PLD1: variants seen among roughly 807,000 people sequenced by gnomAD.
The protein encoded by PLD1 is phospholipase D1.
Under a neutral mutation model 137.1 loss-of-function variants are expected in PLD1, and 112 were observed. The ratio of observed to expected loss-of-function variants is 0.82; its 90% CI spans 0.70 to 0.96. PLD1 has a LOEUF of 0.96. Ranked by LOEUF, PLD1 falls within the 40% of genes least tolerant of loss-of-function variation. The pLI, the probability that PLD1 is intolerant of heterozygous loss-of-function variation, is 0.00. For synonymous variants in PLD1, 431 were observed against 454.7 expected (o/e 0.95, Z 0.66); for missense variants, 1,321 against 1,342.0 (o/e 0.98, Z 0.24).
At chr3:171,763,548 G>A (rs1466801205) in intron 1 of PLD1, among the ~76,000 whole-genome samples, 3 of 107,274 alleles carry the variant, frequency 2.8e-5, no homozygotes, top group Non-Finnish European at 5.5e-5. Flanking sequence ...GGGAGGGGAG[G>A]GGAGGGGAGA....
intron 1 of PLD1, among the ~76,000 whole-genome samples, chr3:171,796,400 A>G (rs1723439535): frequency 6.6e-6 from 1 of 152,242 alleles, no homozygotes; most frequent in South Asian, 2.1e-4. Flanking sequence ...CAACATACTA[A>G]GAAAACCATA....
At chr3:171,772,465 G>A (rs1560295867) in intron 1 of PLD1, among the ~76,000 whole-genome samples, 1 of 152,138 alleles carries the variant, frequency 6.6e-6, no homozygotes, top group Non-Finnish European at 1.5e-5. Flanking sequence ...AAATCCTGGA[G>A]ACTATTTTAG....
rs1714604392 is a variant in PLD1 at position 171,686,756 on chromosome 3, C to A, written c.1796G>T (p.Gly599Val). The change falls in exon 16 of 27, where the codon GGT (glycine) becomes GTT (valine). Residue 599 changes from glycine to valine, a missense_variant. Coordinates refer to ENST00000351298, the MANE Select transcript of PLD1 (RefSeq NM_002662.5). ...AAAGAGTTTGAAGTGGGGTTTTAAA[C>A]CATGGATTAAATTGTGATGACTTCT... ...HYRSHHNLIH[G>V]LKPHFKLFHP... is the part of the protein sequence containing the mutation. The A allele has an allele frequency of 1.9e-6, 3 of 1,607,216 alleles. No homozygotes were observed. The highest frequency in any genetic ancestry group is 1.3e-5 in the African/African-American group (1 of 74,738).
intron 1 of PLD1, among the ~76,000 whole-genome samples, chr3:171,742,370 C>T (rs904904188): frequency 1.3e-5 from 2 of 152,170 alleles, no homozygotes; most frequent in Admixed American, 1.3e-4. Context: ...AGACTGTAGG[C>T]ATGTGCCACT....
chr3:171,783,755 AC>A (rs1436592852), intron 1 of PLD1, among the ~76,000 whole-genome samples: 1 of 151,954 alleles, frequency 6.6e-6, no homozygotes, highest in East Asian at 1.9e-4. Flanking sequence ...TGATTTTCCC[AC>A]CTCATCCTCC....
In PLD1 at chr3:171,735,374, G is replaced by A. The variant is rs984338588; in HGVS notation, c.434+118C>T. 7 of 818,840 alleles carry A rather than the reference G, an allele frequency of 8.5e-6. No homozygotes were observed. In the African/African-American group the frequency reaches 1.0e-4, roughly 12 times the overall value. The allele number at this position is 818,840 out of a possible 1,614,324, so 50.7% of individuals were successfully genotyped here. On this transcript the variant is annotated intron_variant, in intron 4 of 26. Transcript: ENST00000351298. ...TAGTCTCAAACTCATGACCTCAACTGATCCTCCTGCCTCAGCCTCCCAAAG... is the reference window on the plus strand; with the variant it reads ...TAGTCTCAAACTCATGACCTCAACTAATCCTCCTGCCTCAGCCTCCCAAAG...
At chr3:171,685,676 G>A (rs763615022) in intron 16 of PLD1, among the ~76,000 whole-genome samples, 13 of 152,098 alleles carry the variant, frequency 8.5e-5, no homozygotes, top group East Asian at 3.8e-4. Context: ...TCTGACCAGC[G>A]GCCAAATCCT....
chr3:171,638,184 CAAAAAAAA>C (rs1040418705), intron 23 of PLD1, among the ~76,000 whole-genome samples: 1 of 66,816 alleles, frequency 1.5e-5, no homozygotes, highest in Non-Finnish European at 3.0e-5. Context: ...GACTCCGTCT[CAAAAAAAA>C]AAAAAAAAAA....
At chr3:171,639,848 C>A (rs77472768) in intron 23 of PLD1, among the ~76,000 whole-genome samples, 20,607 of 109,668 alleles carry the variant, frequency 0.19, 2,285 homozygotes, top group African/African-American at 0.3. Flanking sequence ...CTCTCTCTCT[C>A]TATATATATA....
chr3:171,605,299 C>T lies in PLD1; in HGVS notation c.3000G>A (p.Lys1000=), dbSNP rs754758804. The change falls in exon 26 of 27, where the codon AAG becomes AAA. Residue 1000 remains lysine, a splice_region_variant and synonymous_variant. Transcript: ENST00000351298. ...GAGGAGGGGAATACGTGAACTTCAC[C>T]TTGTCATAAATTGTAGCATTTCGAG... is the stretch of plus-strand genomic sequence containing the variant. The part of the protein sequence containing the change: ...TAARNATIYD[K]VFRCLPNDEV... 1.9e-6 allele frequency: 3 copies of T among 1,558,130 alleles called. No homozygotes were observed. Among genetic ancestry groups the T allele is most frequent in the Non-Finnish European group, 2.7e-6 (3 of 1,129,030 alleles).
At chr3:171,670,926 T>C (rs963821280) in intron 19 of PLD1, among the ~76,000 whole-genome samples, 1 of 152,200 alleles carries the variant, frequency 6.6e-6, no homozygotes, top group Non-Finnish European at 1.5e-5. Context: ...AGCAGGAGGA[T>C]TAAATAGAAA....
At chr3:171,609,511 C>A (rs1421538842) in intron 25 of PLD1, among the ~76,000 whole-genome samples, 1 of 61,996 alleles carries the variant, frequency 1.6e-5, no homozygotes, top group Admixed American at 1.5e-4. Context: ...AAAGAAAACA[C>A]ACACACACAC....
intron 1 of PLD1, among the ~76,000 whole-genome samples, chr3:171,745,054 C>T (rs1720047207): frequency 6.6e-6 from 1 of 152,216 alleles, no homozygotes; most frequent in Admixed American, 6.5e-5. Flanking sequence ...ACATCCTCGG[C>T]ATTTGTTCTC....
chr3:171,778,087 T>C (rs1004044916), intron 1 of PLD1, among the ~76,000 whole-genome samples: 6 of 152,200 alleles, frequency 3.9e-5, no homozygotes, highest in Middle Eastern at 3.2e-3. Context: ...TTAAATTATT[T>C]ATGTTACTTA....
At chr3:171,644,225 G>A (rs1736007171) in intron 22 of PLD1, among the ~76,000 whole-genome samples, 1 of 152,160 alleles carries the variant, frequency 6.6e-6, no homozygotes, top group Admixed American at 6.5e-5. Context: ...AAGGTCAGAG[G>A]TGCATTTCCA....
intron 13 of PLD1, among the ~76,000 whole-genome samples, chr3:171,690,125 G>A (rs1168188042): frequency 6.6e-6 from 1 of 152,080 alleles, no homozygotes; most frequent in African/African-American, 2.4e-5. Flanking sequence ...CTTATTTCTA[G>A]GAACTTGTAC....
At chr3:171,808,460 C>T (rs557215798) in intron 1 of PLD1, among the ~76,000 whole-genome samples, 3 of 152,112 alleles carry the variant, frequency 2.0e-5, no homozygotes, top group Admixed American at 1.3e-4. Context: ...GGCGTGAACC[C>T]GGGAGGTGGA....
chr3:171,638,012 C>T lies in PLD1; in HGVS notation c.2593+4828G>A, dbSNP rs560437093. Reference sequence around the variant, plus strand: ...TGACTAACACAGTGAAACCCCATCTCCACTAAAAAAATACAAAAAAAAATT... The same window carrying T: ...TGACTAACACAGTGAAACCCCATCTTCACTAAAAAAATACAAAAAAAAATT... On this transcript the variant is annotated intron_variant, in intron 23 of 26. Coordinates refer to ENST00000351298, the MANE Select transcript of PLD1 (RefSeq NM_002662.5). Among the ~76,000 whole-genome samples, 4 of 151,846 alleles carry T rather than the reference C, an allele frequency of 2.6e-5. No individual in the cohort carries two copies. The South Asian group carries it at 6.2e-4, about 24-fold the overall frequency.
intron 1 of PLD1, among the ~76,000 whole-genome samples, chr3:171,808,501 A>C (rs1470181456): frequency 1.3e-5 from 2 of 152,122 alleles, no homozygotes; most frequent in Non-Finnish European, 2.9e-5. Context: ...GCGCCACTGC[A>C]CTCCAGCCTG....
Sources: allele counts gnomAD v4.1 joint callset (sites outside exome capture counted in the v4.1 genomes callset), GRCh38; gene constraint gnomAD v4.1.1; transcripts MANE v1.5; gene names NCBI Gene and HGNC (gene_info 2026-07-23, HGNC 2026-07-21).